The following LMO7 variants were observed in gnomAD, a reference collection of about 807,000 sequenced individuals.
The protein encoded by LMO7 is LIM domain 7.
A neutral mutation model predicts 206.5 loss-of-function variants in LMO7; 120 were observed. The observed-to-expected ratio is 0.58, with a 90% CI of 0.50 to 0.68. LMO7 has a LOEUF of 0.68. LMO7 is among the 30% of genes least tolerant of loss of function. The pLI is 0.00. For synonymous variants in LMO7, 706 were observed against 681.5 expected, an observed-to-expected ratio of 1.04 and a Z score of -0.56; for missense variants, 1,959 against 1,957.9, an observed-to-expected ratio of 1.00 and a Z score of -0.01.
chr13:75,793,656 A>G (rs1288836547), intron 4 of LMO7, among the ~76,000 whole-genome samples: 2 of 152,178 alleles, frequency 1.3e-5, no homozygotes, highest in Non-Finnish European at 2.9e-5. Flanking sequence ...TGTGGAATTT[A>G]TTCTACTTGT....
At position 75,821,296 on chromosome 13, in the gene LMO7, GTGAGAGAGTA is replaced by G; in HGVS notation, c.2328_2337del (p.Ser776ArgfsTer27). ...ACTGTGTCAGAAGCAAGTTACCAGA[GTGAGAGAGTA>G]GAAGAGAAGGGAGCAACTTATCCTT... On this transcript the variant is annotated frameshift_variant, in exon 14 of 31. Coordinates refer to ENST00000377534, the MANE Select transcript of LMO7 (RefSeq NM_001306080.2). LOFTEE classifies it high-confidence loss of function. 6.2e-7 allele frequency: 1 copy of G among 1,614,138 alleles called. No homozygotes were observed. Among genetic ancestry groups the G allele is most frequent in the Non-Finnish European group, 8.5e-7 (1 of 1,179,994 alleles).
intron 14 of LMO7, among the ~76,000 whole-genome samples, chr13:75,821,987 T>TATAA (rs148614371): frequency 0.049 from 7,517 of 152,272 alleles, 262 homozygotes; most frequent in African/African-American, 0.1. Context: ...TCATATGGTT[T>TATAA]AGCCTAGAGA....
At chr13:75,661,086 C>T (rs2038548922) in intron 1 of LMO7, among the ~76,000 whole-genome samples, 1 of 152,136 alleles carries the variant, frequency 6.6e-6, no homozygotes, top group African/African-American at 2.4e-5. Context: ...GTAATTCTTC[C>T]TTCTACATAT....
chr13:75,645,490 A>G (rs1457526122), intron 1 of LMO7, among the ~76,000 whole-genome samples: 1 of 152,216 alleles, frequency 6.6e-6, no homozygotes, highest in Admixed American at 6.5e-5. Context: ...TCTAGCCTGT[A>G]TGACAGAGCG....
intron 2 of LMO7, among the ~76,000 whole-genome samples, chr13:75,721,408 C>T (rs1043527409): frequency 6.6e-6 from 1 of 152,156 alleles, no homozygotes; most frequent in Non-Finnish European, 1.5e-5. Context: ...AGAGGGTTGT[C>T]TGTGCCTCTG....
chr13:75,804,480 G>A lies in LMO7; in HGVS notation c.853G>A (p.Glu285Lys). 6.2e-7 allele frequency: 1 copy of A among 1,614,160 alleles called. No homozygotes were observed. Residue 285 changes from glutamate to lysine, a missense_variant, in exon 8 of 31, where the codon GAG becomes AAG. Transcript: ENST00000377534. ...GAGAAAGAAAAAGCCAGACAAACAT[G>A]AGGATAACAGAAGAAGTTGGGCAAG... is the stretch of plus-strand genomic sequence containing the variant. ...PLRKKKPDKH[E>K]DNRRSWASPV...
chr13:75,849,929 T>C (rs2060348120), intron 27 of LMO7, among the ~76,000 whole-genome samples: 1 of 152,144 alleles, frequency 6.6e-6, no homozygotes, highest in Non-Finnish European at 1.5e-5. Context: ...TATGTCAATA[T>C]ATTAATAACT....
intron 4 of LMO7, among the ~76,000 whole-genome samples, chr13:75,762,250 G>A (rs187362025): frequency 2.0e-5 from 3 of 152,186 alleles, no homozygotes; most frequent in African/African-American, 7.2e-5. Context: ...ATAGTTTAGA[G>A]ATTCTAAATT....
At chr13:75,734,523 G>A (rs1372287370) in intron 3 of LMO7, among the ~76,000 whole-genome samples, 1 of 152,130 alleles carries the variant, frequency 6.6e-6, no homozygotes, top group Non-Finnish European at 1.5e-5. Context: ...AGATGTTAAA[G>A]GCATGGGTAA....
chr13:75,644,282 A>G (rs1037226487), intron 1 of LMO7, among the ~76,000 whole-genome samples: 2 of 152,140 alleles, frequency 1.3e-5, no homozygotes, highest in Non-Finnish European at 2.9e-5. Flanking sequence ...TTCTTTTCCA[A>G]TGAGGGAAAA....
At chr13:75,804,698 A>G (rs2141004345) in intron 8 of LMO7, 157 bp downstream of exon 8, 2 of 1,109,862 alleles carry the variant, frequency 1.8e-6, no homozygotes, top group South Asian at 1.9e-5. Flanking sequence ...TTAGTTATAC[A>G]TATCTTGAAG....
At chr13:75,644,471 C>G (rs914418933) in intron 1 of LMO7, among the ~76,000 whole-genome samples, 1 of 152,132 alleles carries the variant, frequency 6.6e-6, no homozygotes, top group Non-Finnish European at 1.5e-5. Context: ...ATGGGCTCTC[C>G]GTCCTTGTTC....
At chr13:75,640,464 A>C (rs1275142485) in intron 1 of LMO7, among the ~76,000 whole-genome samples, 4 of 152,112 alleles carry the variant, frequency 2.6e-5, no homozygotes, top group Non-Finnish European at 5.9e-5. Context: ...CCTAGTGAAC[A>C]CCTCTTCATT....
At chr13:75,831,065 G>C in intron 15 of LMO7, among the ~76,000 whole-genome samples, 1 of 152,018 alleles carries the variant, frequency 6.6e-6, no homozygotes, top group South Asian at 2.1e-4. Context: ...TTAAGTGTAT[G>C]GTGGTTTTGG....
At chr13:75,729,981 C>G (rs533726850) in intron 3 of LMO7, among the ~76,000 whole-genome samples, 21 of 152,144 alleles carry the variant, frequency 1.4e-4, no homozygotes, top group African/African-American at 3.9e-4. Flanking sequence ...ATGAAGCCCA[C>G]TTGATCATGG....
intron 11 of LMO7, among the ~76,000 whole-genome samples, chr13:75,814,985 C>T (rs771622765): frequency 2.0e-5 from 3 of 152,026 alleles, no homozygotes; most frequent in Non-Finnish European, 2.9e-5. Flanking sequence ...CCAGGGATGG[C>T]GGACCTCTTA....
intron 29 of LMO7, 72 bp from the exon 30 acceptor site, chr13:75,856,434 C>A: frequency 1.2e-6 from 1 of 859,732 alleles, no homozygotes; most frequent in Non-Finnish European, 2.0e-6. Flanking sequence ...TCATTTCCCC[C>A]CCACCCCCAG....
intron 26 of LMO7, among the ~76,000 whole-genome samples, chr13:75,848,330 C>T (rs548588331): frequency 1.0e-3 from 158 of 152,318 alleles, no homozygotes; most frequent in Admixed American, 2.9e-3. Context: ...GTTTTCCATT[C>T]CTGAGTTACT....
chr13:75,727,543 A>G (rs2044594888), intron 3 of LMO7, among the ~76,000 whole-genome samples: 1 of 152,148 alleles, frequency 6.6e-6, no homozygotes, highest in Non-Finnish European at 1.5e-5. Flanking sequence ...TAATTTACAA[A>G]TAAACATATA....
Sources: allele counts gnomAD v4.1 joint callset (sites outside exome capture counted in the v4.1 genomes callset), GRCh38; gene constraint gnomAD v4.1.1; transcripts MANE v1.5; gene names NCBI Gene and HGNC (gene_info 2026-07-23, HGNC 2026-07-21).